ACVR2A: variants seen among roughly 807,000 people sequenced by gnomAD.
ACVR2A encodes activin A receptor type 2A.
ACVR2A carries 7 observed loss-of-function variants against 61.4 expected under a neutral mutation model. The observed-to-expected ratio is 0.11, with a 90% CI of 0.06 to 0.21. The LOEUF is 0.21. Ranked by LOEUF, ACVR2A falls within the 10% of genes least tolerant of loss-of-function variation. The pLI is 1.00. For synonymous variants in ACVR2A, 193 were observed against 208.3 expected (o/e 0.93, Z 0.63); for missense variants, 322 against 621.7 (o/e 0.52, Z 5.13).
intron 8 of ACVR2A, among the ~76,000 whole-genome samples, chr2:147,920,759 A>G (rs968215970): frequency 1.3e-5 from 2 of 152,128 alleles, no homozygotes; most frequent in African/African-American, 4.8e-5. Context: ...CCATGCAATA[A>G]TAGTTTATTG....
intron 10 of ACVR2A, 88 bp downstream of exon 10, chr2:147,926,249 T>C: frequency 6.7e-7 from 1 of 1,485,230 alleles, no homozygotes; most frequent in East Asian, 2.3e-5. Flanking sequence ...CTCTTTCTTC[T>C]GCAAGTATTT....
intron 1 of ACVR2A, among the ~76,000 whole-genome samples, chr2:147,873,497 C>G (rs966482972): frequency 6.6e-6 from 1 of 151,806 alleles, no homozygotes; most frequent in Non-Finnish European, 1.5e-5. Context: ...CTATACATGG[C>G]TAGTGGCTAC....
chr2:147,926,774 C>G (rs185140247), intron 10 of ACVR2A, among the ~76,000 whole-genome samples: 1 of 151,830 alleles, frequency 6.6e-6, no homozygotes. Context: ...ATTGGTAGGT[C>G]CCCTTTATCC....
At chr2:147,868,238 T>C (rs1460516333) in intron 1 of ACVR2A, among the ~76,000 whole-genome samples, 2 of 152,164 alleles carry the variant, frequency 1.3e-5, no homozygotes, top group East Asian at 3.8e-4. Flanking sequence ...AAGTTCCCTT[T>C]GATGGGGAAG....
At chr2:147,867,220 T>C (rs1187134783) in intron 1 of ACVR2A, among the ~76,000 whole-genome samples, 1 of 152,124 alleles carries the variant, frequency 6.6e-6, no homozygotes, top group East Asian at 1.9e-4. Flanking sequence ...GAAATGTAGA[T>C]GAGGAAGTGG....
At chr2:147,915,088 TTCTGTC>T (rs1687218099) in intron 4 of ACVR2A, 97 bp from the exon 5 acceptor site, 2 of 1,053,410 alleles carry the variant, frequency 1.9e-6, no homozygotes, top group South Asian at 1.5e-5. Flanking sequence ...TGTTTACTGT[TTCTGTC>T]AGTTGACTTT....
At chr2:147,914,583 A>G (rs1687204648) in intron 4 of ACVR2A, among the ~76,000 whole-genome samples, 1 of 151,956 alleles carries the variant, frequency 6.6e-6, no homozygotes, top group South Asian at 2.1e-4. Context: ...AAAGGGATGA[A>G]TTGTTAATAT....
At chr2:147,849,450 C>A (rs1198526965) in intron 1 of ACVR2A, among the ~76,000 whole-genome samples, 1 of 152,026 alleles carries the variant, frequency 6.6e-6, no homozygotes, top group Non-Finnish European at 1.5e-5. Context: ...TTTCAAGAAA[C>A]TTTTAACCTA....
chr2:147,918,425 CT>C (rs1558813851), intron 6 of ACVR2A, 21 bp from the exon 7 acceptor site: 1 of 1,592,858 alleles, frequency 6.3e-7, no homozygotes, highest in Non-Finnish European at 8.5e-7. Flanking sequence ...ACATAAGTTT[CT>C]TTTTTTCCCT....
Position 147,893,348 on chromosome 2 carries a change from A to G in ACVR2A, c.56-2953A>G, listed in dbSNP as rs555807364. ...ATAAAGCCACTCTGAACAGTCATCT[A>G]CAGATTTTTACATGGACTTATGTTT... On this transcript the variant is annotated intron_variant, in intron 1 of 10. Transcript: ENST00000241416. Among the ~76,000 whole-genome samples, 11 of 152,324 alleles carry G rather than the reference A, an allele frequency of 7.2e-5. No homozygotes were observed. In the South Asian group the frequency reaches 2.3e-3, roughly 32 times the overall value.
chr2:147,886,911 G>A (rs1686454203), intron 1 of ACVR2A, among the ~76,000 whole-genome samples: 1 of 151,748 alleles, frequency 6.6e-6, no homozygotes, highest in Admixed American at 6.6e-5. Flanking sequence ...AACTATAACT[G>A]TACTGTACAA....
chr2:147,920,262 ACAACCTG>A lies in ACVR2A; in HGVS notation c.996_1002del (p.Asn332LysfsTer12). 6.2e-7 allele frequency: 1 copy of A among 1,613,580 alleles called. No homozygotes were observed. ...AAAAGTAAAAATGTGCTGTTGAAAA[ACAACCTG>A]ACAGCTTGCATTGCTGACTTTGGGT... On this transcript the variant is annotated frameshift_variant, in exon 8 of 11. Coordinates refer to ENST00000241416, the MANE Select transcript of ACVR2A (RefSeq NM_001616.5). LOFTEE classifies it high-confidence loss of function.
At chr2:147,897,493 G>A (rs1414870125) in intron 2 of ACVR2A, among the ~76,000 whole-genome samples, 1 of 152,132 alleles carries the variant, frequency 6.6e-6, no homozygotes, top group East Asian at 1.9e-4. Flanking sequence ...AACTGCCTGG[G>A]CCACAGGATT....
At chr2:147,913,740 T>G (rs569915016) in intron 4 of ACVR2A, among the ~76,000 whole-genome samples, 1 of 147,576 alleles carries the variant, frequency 6.8e-6, no homozygotes, top group South Asian at 2.1e-4. Context: ...AAGATTTATA[T>G]CTGACCTCCT....
intron 5 of ACVR2A, among the ~76,000 whole-genome samples, chr2:147,916,334 A>G (rs752998173): frequency 1.3e-5 from 2 of 151,904 alleles, no homozygotes; most frequent in Non-Finnish European, 2.9e-5. Flanking sequence ...GCTCAGAGAA[A>G]GGCATTTGGA....
At chr2:147,866,367 T>C (rs900769412) in intron 1 of ACVR2A, among the ~76,000 whole-genome samples, 4 of 152,242 alleles carry the variant, frequency 2.6e-5, no homozygotes, top group Non-Finnish European at 5.9e-5. Flanking sequence ...TGTTAAAATG[T>C]AGATTTTGAT....
intron 1 of ACVR2A, among the ~76,000 whole-genome samples, chr2:147,883,805 CTTTG>C (rs986940317): frequency 6.6e-6 from 1 of 151,894 alleles, no homozygotes; most frequent in Non-Finnish European, 1.5e-5. Flanking sequence ...GGTTTTTGTG[CTTTG>C]TTTTATTTTT....
chr2:147,845,000 GTTTTTTTTTT>G (rs368783685), upstream of ACVR2A: 5 of 109,426 alleles, frequency 4.6e-5, no homozygotes, highest in African/African-American at 6.5e-4. Context: ...CCCAGTGAGC[GTTTTTTTTTT>G]TTTTTTTTTT....
chr2:147,893,090 C>G (rs1179449411), intron 1 of ACVR2A, among the ~76,000 whole-genome samples: 9 of 152,130 alleles, frequency 5.9e-5, no homozygotes, highest in African/African-American at 2.2e-4. Context: ...CCCTCACTCC[C>G]AGCTTCTGGC....
Sources: gnomAD v4.1 joint callset for allele counts (sites outside exome capture counted in the v4.1 genomes callset) on GRCh38, gnomAD v4.1.1 for gene constraint, MANE v1.5 for transcripts, NCBI Gene and HGNC (gene_info 2026-07-23, HGNC 2026-07-21) for gene names.